Variants in LINGO2 observed in about 807,000 individuals in gnomAD.
LINGO2 encodes the protein leucine-rich repeat and immunoglobulin-like domain-containing nogo receptor-interacting protein 2.
LINGO2 carries 14 observed loss-of-function variants against 30.6 expected under a neutral mutation model. The observed-to-expected ratio is 0.46, with a 90% CI of 0.30 to 0.72. The LOEUF is 0.72. LINGO2 is among the 30% of genes least tolerant of loss of function. LINGO2 has a pLI of 0.07. For missense variants in LINGO2, 729 were observed against 751.7 expected (o/e 0.97, Z 0.35); for synonymous variants, 317 against 288.5 (o/e 1.10, Z -1.00).
the LINGO2 span, among the ~76,000 whole-genome samples, chr9:29,062,816 A>G: frequency 2.4e-4 from 37 of 152,290 alleles, no homozygotes; most frequent in African/African-American, 8.2e-4. Context: ...AAGCATGATT[A>G]CATATGTCAC....
the LINGO2 span, among the ~76,000 whole-genome samples, chr9:29,171,073 G>C: frequency 6.6e-5 from 10 of 151,928 alleles, no homozygotes; most frequent in East Asian, 1.7e-3. Context: ...TATGGCAAAG[G>C]GTCTCAATTG....
At chr9:29,139,472 C>T in the LINGO2 span, among the ~76,000 whole-genome samples, 6 of 152,128 alleles carry the variant, frequency 3.9e-5, no homozygotes, top group African/African-American at 1.4e-4. Context: ...GACTATTTTC[C>T]ACTTTGTTAA....
At chr9:28,748,105 TTCTTTCCACTGGAGC>T in the LINGO2 span, among the ~76,000 whole-genome samples, 1 of 151,974 alleles carries the variant, frequency 6.6e-6, no homozygotes, top group Non-Finnish European at 1.5e-5. Context: ...CTATGGTGAT[TTCTTTCCACTGGAGC>T]TCTTTCCAGT....
chr9:28,039,042 C>T (rs1824079084), intron 4 of LINGO2, among the ~76,000 whole-genome samples: 1 of 151,998 alleles, frequency 6.6e-6, no homozygotes, highest in African/African-American at 2.4e-5. Context: ...CTTCCTTTGT[C>T]GGGGAGTAAG....
the LINGO2 span, among the ~76,000 whole-genome samples, chr9:28,829,293 A>G: frequency 3.9e-5 from 6 of 152,242 alleles, no homozygotes; most frequent in African/African-American, 1.4e-4. Context: ...CATTGGCAAT[A>G]AAATCCTCCA....
At chr9:28,128,921 C>G (rs928671317) in intron 4 of LINGO2, among the ~76,000 whole-genome samples, 1 of 152,146 alleles carries the variant, frequency 6.6e-6, no homozygotes, top group Non-Finnish European at 1.5e-5. Flanking sequence ...TGCGTGGGCA[C>G]CATCCAATTG....
Position 28,661,914 on chromosome 9 carries a change from A to G in LINGO2, c.-365+8286T>C, listed in dbSNP as rs539072328. On this transcript the variant is annotated intron_variant, in intron 1 of 5. Coordinates refer to ENST00000379992, the Ensembl canonical transcript of LINGO2. ...AGGGGTGGCAGGAGGTATTTTTAACAAAGTCATCAAGGTACTCATGAGGAT... is the reference window on the plus strand; with the variant it reads ...AGGGGTGGCAGGAGGTATTTTTAACGAAGTCATCAAGGTACTCATGAGGAT... Among the ~76,000 whole-genome samples the G allele has an allele frequency of 2.0e-5, 3 of 152,292 alleles. No individual in the cohort carries two copies. The East Asian group carries it at 5.8e-4, about 29-fold the overall frequency.
intron 1 of LINGO2, among the ~76,000 whole-genome samples, chr9:28,545,118 T>G (rs985367814): frequency 6.6e-6 from 1 of 152,046 alleles, no homozygotes; most frequent in African/African-American, 2.4e-5. Context: ...CTGCAGAGAT[T>G]AAAATCACTT....
At chr9:28,410,799 A>C (rs539327992) in intron 2 of LINGO2, among the ~76,000 whole-genome samples, 1 of 152,244 alleles carries the variant, frequency 6.6e-6, no homozygotes, top group Non-Finnish European at 1.5e-5. Flanking sequence ...TGTAATTCTG[A>C]TCATTTTTAT....
chr9:29,095,110 C>T, the LINGO2 span, among the ~76,000 whole-genome samples: 5 of 138,536 alleles, frequency 3.6e-5, 1 homozygote, highest in Non-Finnish European at 7.9e-5. Flanking sequence ...GAGTGCTTCT[C>T]TTTGTTTCAT....
At chr9:28,597,909 C>G (rs189493310) in intron 1 of LINGO2, among the ~76,000 whole-genome samples, 211 of 152,022 alleles carry the variant, frequency 1.4e-3, no homozygotes, top group African/African-American at 4.8e-3. Flanking sequence ...AGATTACAGG[C>G]GTGTGGCATC....
chr9:28,436,623 A>G (rs532551153), intron 2 of LINGO2, among the ~76,000 whole-genome samples: 1 of 151,810 alleles, frequency 6.6e-6, no homozygotes, highest in Non-Finnish European at 1.5e-5. Context: ...ACGACCGGCT[A>G]ATTTTTTGTA....
At chr9:28,368,873 G>C (rs909186299) in intron 3 of LINGO2, among the ~76,000 whole-genome samples, 1 of 151,988 alleles carries the variant, frequency 6.6e-6, no homozygotes, top group Non-Finnish European at 1.5e-5. Context: ...TGGGATTACA[G>C]GCGTGAGCCA....
chr9:27,975,176 G>A (rs112807333), intron 5 of LINGO2, among the ~76,000 whole-genome samples: 13 of 152,126 alleles, frequency 8.5e-5, no homozygotes, highest in African/African-American at 2.2e-4. Flanking sequence ...TCTGTGTGTC[G>A]AATCCACATT....
the LINGO2 span, among the ~76,000 whole-genome samples, chr9:29,128,057 G>A: frequency 1.3e-5 from 2 of 152,028 alleles, no homozygotes. Flanking sequence ...GGGAAAGCAT[G>A]GCTTTATCAA....
chr9:28,873,498 A>G, the LINGO2 span, among the ~76,000 whole-genome samples: 1 of 152,172 alleles, frequency 6.6e-6, no homozygotes, highest in Non-Finnish European at 1.5e-5. Context: ...AAGATCTGGA[A>G]CCCAAAATTT....
At chr9:28,086,604 G>A (rs1825922471) in intron 4 of LINGO2, among the ~76,000 whole-genome samples, 1 of 151,952 alleles carries the variant, frequency 6.6e-6, no homozygotes, top group South Asian at 2.1e-4. Flanking sequence ...TAATTTCAAA[G>A]TTAAAAGCTC....
In LINGO2 at chr9:28,632,205, G is replaced by A. The variant is rs78265752; in HGVS notation, c.-365+37995C>T. On this transcript the variant is annotated intron_variant, in intron 1 of 5. Transcript: ENST00000379992. Reference sequence around the variant, plus strand: ...TATTTAATCACATGGCAAACTCAAGGAAGTGTTAAGAATCTATAATGAAGA... The same window carrying A: ...TATTTAATCACATGGCAAACTCAAGAAAGTGTTAAGAATCTATAATGAAGA... 8.3e-3 allele frequency among the ~76,000 whole-genome samples: 1,258 copies of A among 152,202 alleles called. 28 individuals are homozygous for A. The highest frequency in any genetic ancestry group is 0.036 in the East Asian group (188 of 5,174).
the LINGO2 span, among the ~76,000 whole-genome samples, chr9:28,928,400 T>C: frequency 6.6e-6 from 1 of 152,206 alleles, no homozygotes; most frequent in Non-Finnish European, 1.5e-5. Context: ...ATACCTATCC[T>C]AACTCTTACT....
Sources: allele counts gnomAD v4.1 joint callset (sites outside exome capture counted in the v4.1 genomes callset), GRCh38; gene constraint gnomAD v4.1.1; transcripts MANE v1.5; gene names NCBI Gene and HGNC (gene_info 2026-07-23, HGNC 2026-07-21).